The following SAMD12 variants were observed in gnomAD, a reference collection of about 807,000 sequenced individuals.
SAMD12 encodes sterile alpha motif domain-containing protein 12.
Under a neutral mutation model 15.0 loss-of-function variants are expected in SAMD12, and 9 were observed. The ratio of observed to expected loss-of-function variants is 0.60; its 90% CI spans 0.36 to 1.05. SAMD12 has a LOEUF of 1.05. SAMD12 is among the 50% of genes least tolerant of loss of function. The pLI, the probability that SAMD12 is intolerant of heterozygous loss-of-function variation, is 0.01. For synonymous variants in SAMD12, 86 were observed against 90.1 expected (o/e 0.96, Z 0.25); for missense variants, 230 against 234.2 (o/e 0.98, Z 0.12).
chr8:118,552,289 G>A (rs1217623176), intron 2 of SAMD12, among the ~76,000 whole-genome samples: 3 of 152,114 alleles, frequency 2.0e-5, no homozygotes, highest in Non-Finnish European at 2.9e-5. Flanking sequence ...TAAAATACCG[G>A]CAAACCGAAT....
the SAMD12 span, among the ~76,000 whole-genome samples, chr8:118,147,027 G>A: frequency 5.7e-4 from 63 of 111,174 alleles, no homozygotes; most frequent in Non-Finnish European, 1.0e-3. Flanking sequence ...CTAAGAGGCA[G>A]GAACTTTTTT....
chr8:118,314,031 T>C (rs1257279160), intron 4 of SAMD12, among the ~76,000 whole-genome samples: 1 of 152,180 alleles, frequency 6.6e-6, no homozygotes, highest in East Asian at 1.9e-4. Flanking sequence ...TGCTCAAATG[T>C]AAAATAAAGT....
intron 4 of SAMD12, among the ~76,000 whole-genome samples, chr8:118,243,028 A>C (rs528123404): frequency 6.6e-6 from 1 of 152,278 alleles, no homozygotes; most frequent in South Asian, 2.1e-4. Flanking sequence ...TAAAGCAGAT[A>C]AATTCTTCCC....
intron 3 of SAMD12, among the ~76,000 whole-genome samples, chr8:118,396,538 A>T (rs1437782770): frequency 6.6e-6 from 1 of 152,192 alleles, no homozygotes; most frequent in African/African-American, 2.4e-5. Context: ...GATATTCATT[A>T]AAGTTTTCCT....
downstream of SAMD12, among the ~76,000 whole-genome samples, chr8:118,376,963 T>C (rs1224060037): frequency 8.9e-6 from 1 of 112,402 alleles, no homozygotes; most frequent in African/African-American, 4.3e-5. Context: ...ATTTTAACGC[T>C]AATCTGTCTT....
chr8:118,466,182 G>A (rs1823589032), intron 2 of SAMD12, among the ~76,000 whole-genome samples: 1 of 152,122 alleles, frequency 6.6e-6, no homozygotes, highest in South Asian at 2.1e-4. Flanking sequence ...AGAGAAAAAG[G>A]AAGTCTCCAG....
chr8:118,236,018 A>G (rs1812421103), intron 4 of SAMD12, among the ~76,000 whole-genome samples: 1 of 152,316 alleles, frequency 6.6e-6, no homozygotes, highest in East Asian at 1.9e-4. Context: ...AGGTAGTAAT[A>G]GGACCCACCT....
At chr8:118,534,587 A>C (rs1339333182) in intron 2 of SAMD12, among the ~76,000 whole-genome samples, 1 of 152,110 alleles carries the variant, frequency 6.6e-6, no homozygotes, top group Non-Finnish European at 1.5e-5. Context: ...CACCAATCAG[A>C]CGTAGATCTT....
chr8:118,241,090 GTCCAATATT>G (rs1297077714), intron 4 of SAMD12, among the ~76,000 whole-genome samples: 2 of 152,130 alleles, frequency 1.3e-5, no homozygotes, highest in African/African-American at 4.8e-5. Context: ...AGGGACCAGA[GTCCAATATT>G]TCTCTCCCAT....
At chr8:118,429,167 A>T (rs1196884678) in intron 3 of SAMD12, among the ~76,000 whole-genome samples, 1 of 152,212 alleles carries the variant, frequency 6.6e-6, no homozygotes, top group Non-Finnish European at 1.5e-5. Flanking sequence ...TAGCTATTAC[A>T]TAGTAATCTT....
intron 1 of SAMD12, among the ~76,000 whole-genome samples, chr8:118,603,690 G>A (rs1429821778): frequency 6.6e-6 from 1 of 152,164 alleles, no homozygotes; most frequent in East Asian, 1.9e-4. Flanking sequence ...ACAAAGGCAA[G>A]AAAGGCATCC....
chr8:118,279,041 A>G (rs2130145146), intron 4 of SAMD12, among the ~76,000 whole-genome samples: 1 of 152,324 alleles, frequency 6.6e-6, no homozygotes, highest in South Asian at 2.1e-4. Flanking sequence ...GTGTGTTTAT[A>G]TAATCTGGGC....
chr8:118,598,539 G>T (rs1207281485), intron 1 of SAMD12, among the ~76,000 whole-genome samples: 1 of 152,170 alleles, frequency 6.6e-6, no homozygotes, highest in African/African-American at 2.4e-5. Flanking sequence ...TTTTGTTATG[G>T]CAGCTCTAGC....
chr8:118,220,088 T>C (rs1234823166), intron 4 of SAMD12, among the ~76,000 whole-genome samples: 1 of 152,178 alleles, frequency 6.6e-6, no homozygotes, highest in Non-Finnish European at 1.5e-5. Context: ...AATGCTTGCC[T>C]GGAGTTCTGG....
chr8:118,402,147 C>A (rs1050408743), intron 3 of SAMD12, among the ~76,000 whole-genome samples: 1 of 152,002 alleles, frequency 6.6e-6, no homozygotes, highest in Admixed American at 6.6e-5. Context: ...AAAAAAATCA[C>A]ACACCACAAA....
At chr8:118,255,380 T>C (rs1208288769) in intron 4 of SAMD12, among the ~76,000 whole-genome samples, 1 of 151,976 alleles carries the variant, frequency 6.6e-6, no homozygotes, top group Non-Finnish European at 1.5e-5. Flanking sequence ...ATACTTTAAG[T>C]TTTAGGGTAC....
chr8:118,418,742 C>T (rs921615687), intron 3 of SAMD12, among the ~76,000 whole-genome samples: 1 of 151,834 alleles, frequency 6.6e-6, no homozygotes, highest in Non-Finnish European at 1.5e-5. Context: ...AAAAGTCAGC[C>T]AGTTTCTTAA....
chr8:118,152,450 CCCTCCCTA>C, the SAMD12 span, among the ~76,000 whole-genome samples: 3,484 of 106,364 alleles, frequency 0.033, 161 homozygotes, highest in African/African-American at 0.077. Context: ...CTTCCTCCCT[CCCTCCCTA>C]CCTTCCTTCC....
intron 4 of SAMD12, among the ~76,000 whole-genome samples, chr8:118,234,030 G>T (rs970415341): frequency 6.6e-6 from 1 of 152,176 alleles, no homozygotes; most frequent in Non-Finnish European, 1.5e-5. Context: ...CACTTTGGGA[G>T]TAATGTTAAA....
Sources: allele counts gnomAD v4.1 joint callset (sites outside exome capture counted in the v4.1 genomes callset), GRCh38; gene constraint gnomAD v4.1.1; transcripts MANE v1.5; gene names NCBI Gene and HGNC (gene_info 2026-07-23, HGNC 2026-07-21).